Variants in KIRREL3 observed in about 807,000 individuals in gnomAD.
KIRREL3 encodes the protein kin of IRRE-like protein 3.
KIRREL3 carries 36 observed loss-of-function variants against 89.7 expected under a neutral mutation model. That is an observed-to-expected ratio of 0.40 (90% CI 0.31 to 0.53). KIRREL3 has a LOEUF of 0.53. KIRREL3 is among the 20% of genes least tolerant of loss of function. KIRREL3 has a pLI of 0.49. For missense variants in KIRREL3, 864 were observed against 1,056.6 expected (o/e 0.82, Z 2.53); for synonymous variants, 445 against 441.4 (o/e 1.01, Z -0.10).
rs1284006798 is a variant in KIRREL3, at chr11:126,890,639, TG to T, written c.55+109815del. ...TCCTGGCAAAAGGAGTTCATTTCGA[TG>T]GCCAAGCAGCTTCTATCAGCTTTTC... On this transcript the variant is annotated intron_variant, in intron 1 of 16. Transcript: ENST00000525144. The surrounding 1 kb of genome is among the most constrained non-coding windows in gnomAD (Gnocchi z 5.1). 1.3e-5 allele frequency among the ~76,000 whole-genome samples: 2 copies of T among 152,224 alleles called. No homozygotes were observed. The highest frequency in any genetic ancestry group is 2.9e-5 in the Non-Finnish European group (2 of 68,042).
Position 126,750,386 on chromosome 11 carries a change from G to A in KIRREL3, c.56-187474C>T, listed in dbSNP as rs902252696. Among the ~76,000 whole-genome samples the A allele has an allele frequency of 2.6e-5, 4 of 152,170 alleles. No homozygotes were observed. The highest frequency in any genetic ancestry group is 9.7e-5 in the African/African-American group (4 of 41,446). ...TTGATGCTCCTACGTGTGGGTGCTC[G>A]AAGCCCACAGTGAAGCTTCAAGTGA... On this transcript the variant is annotated intron_variant, in intron 1 of 16. Coordinates refer to ENST00000525144, the MANE Select transcript of KIRREL3 (RefSeq NM_032531.4). The surrounding 1 kb of genome is among the most constrained non-coding windows in gnomAD (Gnocchi z 4.2).
intron 1 of KIRREL3, among the ~76,000 whole-genome samples, chr11:126,730,285 C>T (rs1948562857): frequency 6.6e-6 from 1 of 152,208 alleles, no homozygotes; most frequent in Admixed American, 6.5e-5. Context: ...AAATGAGTTA[C>T]TCACCTTCTC....
intron 1 of KIRREL3, among the ~76,000 whole-genome samples, chr11:126,855,334 T>C (rs1944471640): frequency 6.6e-6 from 1 of 152,226 alleles, no homozygotes. Context: ...TGCCGGCTCC[T>C]GCGCCTTCTC....
rs1023283638 is a variant in KIRREL3, at chr11:126,742,346, C to A, written c.56-179434G>T. On this transcript the variant is annotated intron_variant, in intron 1 of 16. Transcript: ENST00000525144. This position sits in a 1 kb window ranked among gnomAD's most constrained non-coding sequence, Gnocchi z 5.3. Reference sequence around the variant, plus strand: ...TGGGGGTTGGGAGAAGTGTGGTATTCTTAGGATAGTGTATCCTAACCTGCT... The same window carrying A: ...TGGGGGTTGGGAGAAGTGTGGTATTATTAGGATAGTGTATCCTAACCTGCT... 3.3e-5 allele frequency among the ~76,000 whole-genome samples: 5 copies of A among 152,208 alleles called. No homozygotes were observed. The highest frequency in any genetic ancestry group is 3.3e-4 in the Admixed American group (5 of 15,292).
rs1250881208 is a variant in KIRREL3 at position 126,611,220 on chromosome 11, G to A, written c.56-48308C>T. 3.9e-5 allele frequency among the ~76,000 whole-genome samples: 6 copies of A among 152,160 alleles called. No individual in the cohort carries two copies. The highest frequency in any genetic ancestry group is 6.5e-5 in the Admixed American group (1 of 15,288). ...AATGAAACGAGAGAATACATGTAAC[G>A]TTCTTGGCTCACAGCGCCCGGTGAA... On this transcript the variant is annotated intron_variant, in intron 1 of 16. Transcript: ENST00000525144. The surrounding 1 kb of genome is among the most constrained non-coding windows in gnomAD (Gnocchi z 4.7).
chr11:126,456,438 G>A lies in KIRREL3; in HGVS notation c.759C>T (p.Asn253=), dbSNP rs763137852. The change falls in exon 7 of 17, where the codon AAC becomes AAT. Residue 253 remains asparagine (N), a synonymous_variant. Coordinates refer to ENST00000525144, the MANE Select transcript of KIRREL3 (RefSeq NM_032531.4). The part of the protein sequence containing the change: ...TIDIQHPPLV[N]LSVEPQPVLE... ...GCACTGGCTGTGGCTCCACCGAGAG[G>A]TTGACCAGTGGAGGGTCTGCAGGGA... The A allele has an allele frequency of 1.3e-6, 2 of 1,582,628 alleles. No homozygotes were observed. The highest frequency in any genetic ancestry group is 2.3e-5 in the South Asian group (2 of 86,012).
At chr11:126,925,911 T>A (rs1947694409) in intron 1 of KIRREL3, among the ~76,000 whole-genome samples, 1 of 152,194 alleles carries the variant, frequency 6.6e-6, no homozygotes, top group Admixed American at 6.5e-5. Context: ...CAGGTTGACA[T>A]CAACAGCAAA....
At chr11:126,800,050 G>T (rs1950982673) in intron 1 of KIRREL3, among the ~76,000 whole-genome samples, 1 of 152,204 alleles carries the variant, frequency 6.6e-6, no homozygotes, top group African/African-American at 2.4e-5. Context: ...GTGAACCAAA[G>T]TTGAGGACCA....
intron 1 of KIRREL3, among the ~76,000 whole-genome samples, chr11:126,889,119 A>G (rs1945808237): frequency 6.6e-6 from 1 of 152,168 alleles, no homozygotes; most frequent in Non-Finnish European, 1.5e-5. Flanking sequence ...TGCCGTGTGT[A>G]CACTCATGAA....
In KIRREL3 at chr11:126,602,087, T is replaced by C. The variant is rs12288863; in HGVS notation, c.56-39175A>G. Among the ~76,000 whole-genome samples the C allele has an allele frequency of 4.1e-3, 627 of 151,950 alleles. 2 individuals are homozygous for C. The highest frequency in any genetic ancestry group is 0.014 in the African/African-American group (596 of 41,418). On this transcript the variant is annotated intron_variant, in intron 1 of 16. Transcript: ENST00000525144. The stretch of plus-strand genomic sequence containing the variant: ...CGAGTTTGTTTACTGAGAGGAGGAG[T>C]AGCCCCCTCCTTTCTCGCAAAACAA...
At chr11:126,938,629 C>T (rs945890488) in intron 1 of KIRREL3, among the ~76,000 whole-genome samples, 11 of 152,194 alleles carry the variant, frequency 7.2e-5, no homozygotes, top group African/African-American at 2.4e-4. Flanking sequence ...GGGATGATTG[C>T]TCGTGGGAGT....
intron 1 of KIRREL3, among the ~76,000 whole-genome samples, chr11:126,790,732 C>T (rs894266901): frequency 3.9e-5 from 6 of 151,986 alleles, no homozygotes; most frequent in Non-Finnish European, 7.4e-5. Context: ...TAATCGCAGA[C>T]GTGGGAAGAG....
rs1449685675 is a variant in KIRREL3 at position 126,906,542 on chromosome 11, G to A, written c.55+93913C>T. Among the ~76,000 whole-genome samples, 1 of 152,120 alleles carries A rather than the reference G, an allele frequency of 6.6e-6. No homozygotes were observed. Among genetic ancestry groups the A allele is most frequent in the Admixed American group, 6.5e-5 (1 of 15,278 alleles). ...TTTAATCTCCCTCCAGCAGAGAAGTGGATAGGGACCCCCCTGCCATGAAAA... is the reference window on the plus strand; with the variant it reads ...TTTAATCTCCCTCCAGCAGAGAAGTAGATAGGGACCCCCCTGCCATGAAAA... On this transcript the variant is annotated intron_variant, in intron 1 of 16. Coordinates refer to ENST00000525144, the MANE Select transcript of KIRREL3 (RefSeq NM_032531.4). This position sits in a 1 kb window ranked among gnomAD's most constrained non-coding sequence, Gnocchi z 4.1.
intron 1 of KIRREL3, among the ~76,000 whole-genome samples, chr11:126,821,244 G>T (rs1057379640): frequency 2.0e-5 from 3 of 151,018 alleles, no homozygotes; most frequent in Admixed American, 2.0e-4. Flanking sequence ...TGAAGAAGCT[G>T]GCAGGGGGAC....
intron 10 of KIRREL3, chr11:126,440,768 C>T: frequency 1.7e-6 from 1 of 602,824 alleles, no homozygotes. Context: ...GCTTCTAAGT[C>T]AGAACCCCCA....
Position 126,449,027 on chromosome 11 carries a change from G to C in KIRREL3, c.979C>G (p.Arg327Gly). 6.2e-7 allele frequency: 1 copy of C among 1,612,486 alleles called. No homozygotes were observed. The part of the protein sequence containing the change: ...TNALGSTNLS[R>G]TVDVYFGPRM... The stretch of plus-strand genomic sequence containing the variant: ...CACTCACAGTAGACGTCAACCGTGC[G>C]GCTGAGGTTGGTGCTGCCCAGGGCG... The change falls in exon 8 of 17, where the codon CGC becomes GGC. Residue 327 changes from arginine to glycine, a missense_variant. By Grantham distance (125) the Arg-to-Gly change is moderately radical. Coordinates refer to ENST00000525144, the MANE Select transcript of KIRREL3 (RefSeq NM_032531.4).
At position 126,742,616 on chromosome 11, in the gene KIRREL3, TCA is replaced by T. The variant is rs1949018794; in HGVS notation, c.56-179706_56-179705del. On this transcript the variant is annotated intron_variant, in intron 1 of 16. Coordinates refer to ENST00000525144, the MANE Select transcript of KIRREL3 (RefSeq NM_032531.4). This position sits in a 1 kb window ranked among gnomAD's most constrained non-coding sequence, Gnocchi z 5.3. ...AGAGAGGGCAAGTGACTTGTCAAGG[TCA>T]CATAGCCAGTACATGGTTGAACTGG... 6.6e-6 allele frequency among the ~76,000 whole-genome samples: 1 copy of T among 152,194 alleles called. No homozygotes were observed. The highest frequency in any genetic ancestry group is 1.5e-5 in the Non-Finnish European group (1 of 68,032).
At chr11:126,779,106 C>T (rs953684689) in intron 1 of KIRREL3, among the ~76,000 whole-genome samples, 1 of 152,208 alleles carries the variant, frequency 6.6e-6, no homozygotes, top group African/African-American at 2.4e-5. Context: ...ATCTACATAC[C>T]TGCCAGAGTG....
At chr11:126,532,562 G>A (rs1958975988) in intron 2 of KIRREL3, among the ~76,000 whole-genome samples, 1 of 152,078 alleles carries the variant, frequency 6.6e-6, no homozygotes, top group Non-Finnish European at 1.5e-5. Flanking sequence ...TTTTAGTAGA[G>A]ACGGGGTTTC....
Sources: allele counts gnomAD v4.1 joint callset (sites outside exome capture counted in the v4.1 genomes callset), GRCh38; gene constraint gnomAD v4.1.1; non-coding constraint Gnocchi (gnomAD v3.1); transcripts MANE v1.5; gene names NCBI Gene and HGNC (gene_info 2026-07-23, HGNC 2026-07-21).